LRRTM4: variants seen among roughly 807,000 people sequenced by gnomAD.
LRRTM4 encodes leucine rich repeat transmembrane neuronal 4, also known as leucine-rich repeat transmembrane neuronal protein 4.
In LRRTM4, 25 loss-of-function variants were observed where a neutral mutation model predicts 47.6. That is an observed-to-expected ratio of 0.53 (90% CI 0.38 to 0.73). The LOEUF (loss-of-function observed/expected upper bound fraction) is 0.73, where lower values mean the gene tolerates loss of function less well. Among genes scored for constraint, LRRTM4 ranks in the 30% least tolerant of loss-of-function variants. The pLI is 0.00. For synonymous variants in LRRTM4, 311 were observed against 269.5 expected, an observed-to-expected ratio of 1.15 and a Z score of -1.51; for missense variants, 638 against 713.4, an observed-to-expected ratio of 0.89 and a Z score of 1.20.
chr2:76,806,194 T>A (rs988810744), intron 3 of LRRTM4, among the ~76,000 whole-genome samples: 11 of 152,070 alleles, frequency 7.2e-5, no homozygotes, highest in Non-Finnish European at 1.6e-4. Flanking sequence ...ATTAAACAAA[T>A]AACTAGGCAC....
chr2:77,388,414 A>C (rs1374997717), intron 3 of LRRTM4, among the ~76,000 whole-genome samples: 2 of 152,158 alleles, frequency 1.3e-5, no homozygotes, highest in Non-Finnish European at 2.9e-5. Context: ...TCATAGTTAC[A>C]TTGACAAGGA....
chr2:77,407,991 T>C (rs973926228), intron 3 of LRRTM4, among the ~76,000 whole-genome samples: 1 of 152,042 alleles, frequency 6.6e-6, no homozygotes, highest in Non-Finnish European at 1.5e-5. Context: ...ATAACCTGTC[T>C]TCTTAACCTT....
At chr2:77,471,633 C>T (rs1677193127) in intron 3 of LRRTM4, among the ~76,000 whole-genome samples, 1 of 152,128 alleles carries the variant, frequency 6.6e-6, no homozygotes, top group Non-Finnish European at 1.5e-5. Flanking sequence ...GATATTGTCT[C>T]AAATCATTTG....
At chr2:76,769,905 G>C (rs1673620907) in intron 3 of LRRTM4, among the ~76,000 whole-genome samples, 1 of 152,148 alleles carries the variant, frequency 6.6e-6, no homozygotes, top group Non-Finnish European at 1.5e-5. Context: ...ATGCTGAGAA[G>C]TCACAGCAGC....
intron 3 of LRRTM4, among the ~76,000 whole-genome samples, chr2:76,928,811 G>T: frequency 6.6e-6 from 1 of 151,728 alleles, no homozygotes; most frequent in East Asian, 1.9e-4. Flanking sequence ...TTTACACTGT[G>T]AAAAAAAATT....
At chr2:77,067,469 G>T (rs1053832190) in intron 3 of LRRTM4, among the ~76,000 whole-genome samples, 2 of 151,978 alleles carry the variant, frequency 1.3e-5, no homozygotes, top group South Asian at 2.1e-4. Context: ...CAGTGTGGGT[G>T]GGGGGCTGGG....
intron 3 of LRRTM4, among the ~76,000 whole-genome samples, chr2:76,767,909 T>C (rs1238827867): frequency 3.3e-5 from 5 of 152,184 alleles, no homozygotes; most frequent in Non-Finnish European, 7.3e-5. Context: ...AAAGAATCTA[T>C]AAAATATTAA....
intron 3 of LRRTM4, among the ~76,000 whole-genome samples, chr2:77,067,338 T>C (rs1020458574): frequency 6.6e-6 from 1 of 152,228 alleles, no homozygotes; most frequent in Admixed American, 6.5e-5. Context: ...ATGGCCTCAC[T>C]GTGTATTGCA....
intron 3 of LRRTM4, among the ~76,000 whole-genome samples, chr2:77,306,843 T>A (rs1465019373): frequency 6.6e-6 from 1 of 151,896 alleles, no homozygotes; most frequent in South Asian, 2.1e-4. Context: ...TAAAATTAAA[T>A]GCTATTCATT....
chr2:77,522,343 T>A lies in LRRTM4; in HGVS notation c.-382A>T, dbSNP rs1679547702. On this transcript the variant is annotated 5_prime_UTR_variant, in exon 1 of 4. It adds an upstream start codon to the 5' untranslated region. Coordinates refer to ENST00000409884, the MANE Select transcript of LRRTM4 (RefSeq NM_001134745.3). ...TCCAGAGACTGATGATGCTCAGAGC[T>A]TGTTGGTGCTAATGCTTGAGTTTGT... 2.1e-6 allele frequency: 1 copy of A among 472,692 alleles called. No individual in the cohort carries two copies. Among genetic ancestry groups the A allele is most frequent in the Non-Finnish European group, 3.8e-6 (1 of 266,050 alleles). The allele number at this position is 472,692 out of a possible 1,614,324, so 29.3% of individuals were successfully genotyped here.
In LRRTM4 at chr2:77,345,345, TAGG is replaced by T. The variant is rs1401941186; in HGVS notation, c.1551+172970_1551+172972del. ...ATTTATGCTCTGAGAAATGCAGGAG[TAGG>T]AGAAGGAAAAGGCAAGCCAAAGTGT... On this transcript the variant is annotated intron_variant, in intron 3 of 3. Coordinates refer to ENST00000409884, the MANE Select transcript of LRRTM4 (RefSeq NM_001134745.3). Among the ~76,000 whole-genome samples, 9 of 151,580 alleles carry T rather than the reference TAGG, an allele frequency of 5.9e-5. No homozygotes were observed. The South Asian group carries it at 1.0e-3, about 18-fold the overall frequency.
At chr2:76,966,544 ACAAG>A (rs922744560) in intron 3 of LRRTM4, among the ~76,000 whole-genome samples, 2 of 151,460 alleles carry the variant, frequency 1.3e-5, no homozygotes, top group African/African-American at 4.8e-5. Flanking sequence ...GCAAACAAAC[ACAAG>A]CAAGAAGAAA....
rs559527974 is a variant in LRRTM4, at chr2:77,359,612, C to A, written c.1551+158706G>T. Among the ~76,000 whole-genome samples, 3 of 152,276 alleles carry A rather than the reference C, an allele frequency of 2.0e-5. No homozygotes were observed. The East Asian group carries it at 5.8e-4, about 29-fold the overall frequency. On this transcript the variant is annotated intron_variant, in intron 3 of 3. Coordinates refer to ENST00000409884, the MANE Select transcript of LRRTM4 (RefSeq NM_001134745.3). ...TACATGATCATTAAGGTTTTTCAGT[C>A]CTTCTGCAAACTAACAGCAATGTTG...
At chr2:76,832,897 C>A (rs1671394628) in intron 3 of LRRTM4, among the ~76,000 whole-genome samples, 1 of 151,960 alleles carries the variant, frequency 6.6e-6, no homozygotes, top group South Asian at 2.1e-4. Flanking sequence ...TCGTGTAACC[C>A]AGGAACTACA....
chr2:77,398,838 A>C (rs1403458928), intron 3 of LRRTM4, among the ~76,000 whole-genome samples: 1 of 151,816 alleles, frequency 6.6e-6, no homozygotes, highest in African/African-American at 2.4e-5. Flanking sequence ...GAAGTGGCCA[A>C]CCCAGAGATT....
At chr2:77,093,945 C>T (rs1392807616) in intron 3 of LRRTM4, among the ~76,000 whole-genome samples, 1 of 150,534 alleles carries the variant, frequency 6.6e-6, no homozygotes, top group Non-Finnish European at 1.5e-5. Context: ...GAGAACAAAC[C>T]CGCTTTGACT....
chr2:76,849,105 G>A (rs1044047716), intron 3 of LRRTM4, among the ~76,000 whole-genome samples: 6 of 152,076 alleles, frequency 3.9e-5, no homozygotes, highest in African/African-American at 7.2e-5. Context: ...ATGGAAATAA[G>A]ATTTTTTTTC....
chr2:77,331,353 G>T (rs1211382155), intron 3 of LRRTM4, among the ~76,000 whole-genome samples: 3 of 152,088 alleles, frequency 2.0e-5, no homozygotes, highest in African/African-American at 7.2e-5. Flanking sequence ...CCATTGTTTG[G>T]GTTATATACC....
chr2:77,083,891 G>A (rs1365923609), intron 3 of LRRTM4, among the ~76,000 whole-genome samples: 8 of 136,616 alleles, frequency 5.9e-5, no homozygotes, highest in South Asian at 2.5e-4. Context: ...TGCAAGCTCC[G>A]CCTCCCGGGT....
Sources: gnomAD v4.1 joint callset for allele counts (sites outside exome capture counted in the v4.1 genomes callset) on GRCh38, gnomAD v4.1.1 for gene constraint, MANE v1.5 for transcripts, NCBI Gene and HGNC (gene_info 2026-07-23, HGNC 2026-07-21) for gene names.